PPP2R2B: variants seen among roughly 807,000 people sequenced by gnomAD.
PPP2R2B encodes the protein protein phosphatase 2 regulatory subunit Bbeta.
A neutral mutation model predicts 46.0 loss-of-function variants in PPP2R2B; 5 were observed. The observed-to-expected ratio is 0.11, with a 90% CI of 0.06 to 0.23. PPP2R2B has a LOEUF of 0.23. Ranked by LOEUF, PPP2R2B falls within the 10% of genes least tolerant of loss-of-function variation. The pLI, the probability that PPP2R2B is intolerant of heterozygous loss-of-function variation, is 1.00. For missense variants in PPP2R2B, 367 were observed against 575.0 expected (o/e 0.64, Z 3.70); for synonymous variants, 215 against 206.7 (o/e 1.04, Z -0.34).
intron 2 of PPP2R2B, among the ~76,000 whole-genome samples, chr5:146,735,090 C>T (rs1420553298): frequency 1.3e-5 from 2 of 152,082 alleles, no homozygotes; most frequent in African/African-American, 2.4e-5. Context: ...TGCTAGGAAC[C>T]GCGATCTTTT....
At chr5:146,845,500 G>A (rs1043614939) in intron 2 of PPP2R2B, among the ~76,000 whole-genome samples, 46 of 151,898 alleles carry the variant, frequency 3.0e-4, no homozygotes, top group African/African-American at 9.4e-4. Context: ...TGATCCGCCC[G>A]CCTCGGCCTC....
chr5:146,718,387 TA>T (rs541550995), intron 2 of PPP2R2B, among the ~76,000 whole-genome samples: 1,686 of 143,742 alleles, frequency 0.012, 18 homozygotes, highest in African/African-American at 0.021. Flanking sequence ...GACCCCATCT[TA>T]AAAAAAAAAA....
At chr5:146,836,732 TAC>T (rs1453762098) in intron 2 of PPP2R2B, among the ~76,000 whole-genome samples, 15 of 152,244 alleles carry the variant, frequency 9.9e-5, no homozygotes, top group African/African-American at 3.6e-4. Flanking sequence ...GAGAGATAGC[TAC>T]AGACACAGAT....
intron 5 of PPP2R2B, among the ~76,000 whole-genome samples, chr5:146,660,732 G>T (rs2151107476): frequency 6.6e-6 from 1 of 152,278 alleles, no homozygotes; most frequent in East Asian, 1.9e-4. Flanking sequence ...AAATAAGCCT[G>T]AGAAGAAAAA....
intron 1 of PPP2R2B, among the ~76,000 whole-genome samples, chr5:146,968,505 G>T (rs557857396): frequency 1.1e-4 from 16 of 152,160 alleles, no homozygotes; most frequent in Non-Finnish European, 1.8e-4. Flanking sequence ...TTACATTAAT[G>T]AATAAGACAA....
At chr5:146,951,738 A>G (rs907212573) in intron 1 of PPP2R2B, among the ~76,000 whole-genome samples, 36 of 152,078 alleles carry the variant, frequency 2.4e-4, no homozygotes, top group Non-Finnish European at 5.0e-4. Context: ...TAGGTACCAC[A>G]TTTTTAAAAT....
chr5:147,070,632 G>A (rs1469125345), intron 2 of PPP2R2B, among the ~76,000 whole-genome samples: 2 of 152,184 alleles, frequency 1.3e-5, no homozygotes, highest in Non-Finnish European at 2.9e-5. Flanking sequence ...TGAGCCAAAT[G>A]TTTTACCAAG....
chr5:146,629,107 C>T (rs1048644305), intron 7 of PPP2R2B, among the ~76,000 whole-genome samples: 3 of 152,154 alleles, frequency 2.0e-5, no homozygotes, highest in African/African-American at 7.2e-5. Context: ...CTATGACATG[C>T]TCGTGATTCC....
intron 2 of PPP2R2B, 37 bp downstream of exon 2, chr5:146,877,965 C>G: frequency 6.3e-7 from 1 of 1,599,950 alleles, no homozygotes; most frequent in Non-Finnish European, 8.5e-7. Context: ...AACTTGCGCC[C>G]GGCCCCAACG....
chr5:146,828,002 A>C (rs1457760139), intron 2 of PPP2R2B, among the ~76,000 whole-genome samples: 1 of 60,178 alleles, frequency 1.7e-5, no homozygotes, highest in Non-Finnish European at 3.1e-5. Flanking sequence ...CTAGTTGAAG[A>C]GAGAGAGAGA....
At chr5:146,687,491 T>C (rs1287428857) in intron 5 of PPP2R2B, among the ~76,000 whole-genome samples, 1 of 152,068 alleles carries the variant, frequency 6.6e-6, no homozygotes, top group African/African-American at 2.4e-5. Context: ...GATCAATAAG[T>C]GCTAGATACC....
Position 146,720,519 on chromosome 5 carries a change from C to T in PPP2R2B, c.71-19377G>A, listed in dbSNP as rs552220785. On this transcript the variant is annotated intron_variant, in intron 2 of 9. Coordinates refer to ENST00000394411, the MANE Select transcript of PPP2R2B (RefSeq NM_181675.4). ...TATGGACCATTAGTTCCTTAAGATG[C>T]TGTTTCTTGGGGGGAAGATGTCGAA... Among the ~76,000 whole-genome samples, 6 of 152,226 alleles carry T rather than the reference C, an allele frequency of 3.9e-5. No homozygotes were observed. The South Asian group carries it at 1.2e-3, about 32-fold the overall frequency.
chr5:146,639,413 C>T (rs931009395), intron 6 of PPP2R2B, among the ~76,000 whole-genome samples: 3 of 151,892 alleles, frequency 2.0e-5, no homozygotes, highest in African/African-American at 7.3e-5. Flanking sequence ...TGGAATGAAA[C>T]ATTTAGTCTT....
chr5:146,670,755 A>G (rs1411728704), intron 5 of PPP2R2B, among the ~76,000 whole-genome samples: 1 of 151,996 alleles, frequency 6.6e-6, no homozygotes, highest in Non-Finnish European at 1.5e-5. Context: ...CTGGCCTCCT[A>G]AAGTACTGGG....
intron 2 of PPP2R2B, among the ~76,000 whole-genome samples, chr5:146,770,980 T>C (rs1352003767): frequency 6.6e-6 from 1 of 152,204 alleles, no homozygotes; most frequent in Non-Finnish European, 1.5e-5. Context: ...TACCTATGCA[T>C]GATGGGCCAT....
chr5:146,696,143 G>T (rs1296961611), intron 4 of PPP2R2B, among the ~76,000 whole-genome samples: 1 of 148,120 alleles, frequency 6.8e-6, no homozygotes, highest in Non-Finnish European at 1.5e-5. Flanking sequence ...TTGCTCTGTC[G>T]CCCAGGGTAG....
chr5:147,079,864 A>C (rs1757924726), intron 2 of PPP2R2B, among the ~76,000 whole-genome samples: 1 of 152,180 alleles, frequency 6.6e-6, no homozygotes, highest in South Asian at 2.1e-4. Flanking sequence ...TAAATGATAA[A>C]TATATGAGGT....
At chr5:146,622,473 G>A (rs1773768912) in intron 7 of PPP2R2B, among the ~76,000 whole-genome samples, 2 of 152,136 alleles carry the variant, frequency 1.3e-5, no homozygotes, top group Admixed American at 1.3e-4. Flanking sequence ...TGACCACTAT[G>A]ATATACAGCC....
At chr5:146,770,819 A>C (rs891458776) in intron 2 of PPP2R2B, among the ~76,000 whole-genome samples, 10 of 152,196 alleles carry the variant, frequency 6.6e-5, no homozygotes, top group African/African-American at 2.2e-4. Flanking sequence ...TTTGGGGGCC[A>C]AGAAATAGCT....
Sources: gnomAD v4.1 joint callset for allele counts (sites outside exome capture counted in the v4.1 genomes callset) on GRCh38, gnomAD v4.1.1 for gene constraint, MANE v1.5 for transcripts, NCBI Gene and HGNC (gene_info 2026-07-23, HGNC 2026-07-21) for gene names.